Variants in MIPEP observed in about 807,000 individuals in gnomAD.
MIPEP encodes mitochondrial intermediate peptidase.
In MIPEP, 79 loss-of-function variants were observed where a neutral mutation model predicts 90.3. The ratio of observed to expected loss-of-function variants is 0.87; its 90% CI spans 0.73 to 1.05. The LOEUF (loss-of-function observed/expected upper bound fraction) is 1.05, where lower values mean the gene tolerates loss of function less well. Among genes scored for constraint, MIPEP ranks in the 50% least tolerant of loss-of-function variants. MIPEP has a pLI of 0.00. For synonymous variants in MIPEP, 334 were observed against 315.8 expected, an observed-to-expected ratio of 1.06 and a Z score of -0.61; for missense variants, 940 against 905.6, an observed-to-expected ratio of 1.04 and a Z score of -0.49.
At position 23,806,716 on chromosome 13, in the gene MIPEP, ATATCTATCTATCTATC is replaced by A. The variant is rs10675933; in HGVS notation, c.1729-663_1729-648del. On this transcript the variant is annotated intron_variant, in intron 15 of 18. Transcript: ENST00000382172. ...AACAACAACAACAACAAAAAAATCT[ATATCTATCTATCTATC>A]TATCTATCTATCTATCTATCTATCT... Among the ~76,000 whole-genome samples the A allele has an allele frequency of 4.2e-3, 622 of 147,248 alleles. 6 individuals are homozygous for A. The highest frequency in any genetic ancestry group is 0.015 in the African/African-American group (591 of 39,992).
intron 16 of MIPEP, among the ~76,000 whole-genome samples, chr13:23,775,191 T>A (rs564866455): frequency 6.6e-6 from 1 of 151,966 alleles, no homozygotes; most frequent in Admixed American, 6.6e-5. Flanking sequence ...AGATCATGCA[T>A]GTCATCTGCA....
At chr13:23,875,270 C>T (rs1871021183) in intron 4 of MIPEP, among the ~76,000 whole-genome samples, 2 of 151,830 alleles carry the variant, frequency 1.3e-5, no homozygotes, top group Non-Finnish European at 2.9e-5. Context: ...TAATTTAGTA[C>T]CACAGGTTTG....
intron 7 of MIPEP, among the ~76,000 whole-genome samples, chr13:23,864,986 G>A (rs991768604): frequency 1.3e-5 from 2 of 150,814 alleles, no homozygotes; most frequent in Admixed American, 6.7e-5. Flanking sequence ...TACAACTGTA[G>A]AATAATCTAT....
chr13:23,735,441 A>G (rs1749467876), intron 18 of MIPEP, among the ~76,000 whole-genome samples: 1 of 152,238 alleles, frequency 6.6e-6, no homozygotes. Flanking sequence ...AATTCTCAGA[A>G]GAGAAAGCCA....
intron 16 of MIPEP, among the ~76,000 whole-genome samples, chr13:23,799,736 T>C (rs1047237570): frequency 6.6e-6 from 1 of 152,174 alleles, no homozygotes. Context: ...ACAAGAAACA[T>C]GTCTTCTTTT....
chr13:23,875,068 T>C (rs1167487419), intron 4 of MIPEP, among the ~76,000 whole-genome samples, 159 bp from the exon 5 acceptor site: 1 of 109,486 alleles, frequency 9.1e-6, no homozygotes, highest in African/African-American at 3.0e-5. Context: ...ACACACTTTG[T>C]TTTAAACAAG....
At chr13:23,741,831 A>T (rs1452593312) in intron 18 of MIPEP, among the ~76,000 whole-genome samples, 1 of 152,096 alleles carries the variant, frequency 6.6e-6, no homozygotes, top group East Asian at 1.9e-4. Flanking sequence ...AATTTAAAAA[A>T]AAAAAATAAA....
intron 17 of MIPEP, among the ~76,000 whole-genome samples, chr13:23,759,440 C>A (rs984780852): frequency 6.6e-6 from 1 of 150,936 alleles, no homozygotes; most frequent in Non-Finnish European, 1.5e-5. Flanking sequence ...CCCCATACCT[C>A]CCCAGACAGC....
At chr13:23,865,964 T>A (rs5024796) in intron 7 of MIPEP, among the ~76,000 whole-genome samples, 3 of 151,996 alleles carry the variant, frequency 2.0e-5, no homozygotes, top group Non-Finnish European at 4.4e-5. Context: ...AGACACCACA[T>A]CTGGCCTGCC....
intron 18 of MIPEP, among the ~76,000 whole-genome samples, chr13:23,745,188 G>T (rs1952369600): frequency 6.6e-6 from 1 of 151,888 alleles, no homozygotes; most frequent in Admixed American, 6.5e-5. Flanking sequence ...ATTAACCAGG[G>T]ACTATTCAAT....
chr13:23,884,215 TG>T (rs1264341864), intron 2 of MIPEP, among the ~76,000 whole-genome samples: 14 of 107,784 alleles, frequency 1.3e-4, no homozygotes, highest in Non-Finnish European at 2.2e-4. Context: ...CAGAGGTTAG[TG>T]GGGAGGGGGG....
chr13:23,756,184 T>C (rs1258980038), intron 18 of MIPEP, among the ~76,000 whole-genome samples: 1 of 152,258 alleles, frequency 6.6e-6, no homozygotes, highest in African/African-American at 2.4e-5. Context: ...GAAGGAGTTT[T>C]GCTCATGTTG....
intron 18 of MIPEP, among the ~76,000 whole-genome samples, chr13:23,750,678 G>T (rs1205440087): frequency 6.6e-6 from 1 of 152,134 alleles, no homozygotes; most frequent in Admixed American, 6.5e-5. Context: ...TAATGAGTGG[G>T]GAGTTATGTT....
intron 18 of MIPEP, among the ~76,000 whole-genome samples, chr13:23,745,853 C>G (rs1952377078): frequency 6.6e-6 from 1 of 151,452 alleles, no homozygotes; most frequent in Non-Finnish European, 1.5e-5. Context: ...TCGCTTGAAC[C>G]TGGGTGGCAG....
chr13:23,790,437 C>T (rs528936891), intron 16 of MIPEP, among the ~76,000 whole-genome samples: 1 of 152,328 alleles, frequency 6.6e-6, no homozygotes, highest in South Asian at 2.1e-4. Flanking sequence ...ATCCCTAGAA[C>T]CTGTGAATGT....
intron 18 of MIPEP, among the ~76,000 whole-genome samples, chr13:23,748,982 T>C (rs9510842): frequency 0.18 from 26,952 of 152,222 alleles, 2,828 homozygotes; most frequent in Non-Finnish European, 0.23. Flanking sequence ...GCATTTACTG[T>C]TCTCCTACAG....
intron 14 of MIPEP, among the ~76,000 whole-genome samples, chr13:23,826,413 T>C (rs997100380): frequency 5.3e-5 from 8 of 152,044 alleles, no homozygotes; most frequent in Non-Finnish European, 1.2e-4. Flanking sequence ...AAAAAACTGA[T>C]GACACATGAA....
At chr13:23,777,012 C>T (rs914902317) in intron 16 of MIPEP, among the ~76,000 whole-genome samples, 2 of 152,100 alleles carry the variant, frequency 1.3e-5, no homozygotes, top group Non-Finnish European at 2.9e-5. Context: ...GCTCAAAATG[C>T]TTAAACGCCA....
chr13:23,778,967 C>T (rs1952746688), intron 16 of MIPEP, among the ~76,000 whole-genome samples: 1 of 152,208 alleles, frequency 6.6e-6, no homozygotes, highest in Non-Finnish European at 1.5e-5. Flanking sequence ...TGTAACTCCT[C>T]CACACAGAGC....
Sources: allele counts gnomAD v4.1 joint callset (sites outside exome capture counted in the v4.1 genomes callset), GRCh38; gene constraint gnomAD v4.1.1; transcripts MANE v1.5; gene names NCBI Gene and HGNC (gene_info 2026-07-23, HGNC 2026-07-21).